The following IL6ST variants were observed in gnomAD, a reference collection of about 807,000 sequenced individuals.
IL6ST encodes interleukin 6 cytokine family signal transducer.
IL6ST carries 24 observed loss-of-function variants against 91.3 expected under a neutral mutation model. The ratio of observed to expected loss-of-function variants is 0.26; its 90% CI spans 0.19 to 0.37. The LOEUF (loss-of-function observed/expected upper bound fraction) is 0.37. Ranked by LOEUF, IL6ST falls within the 10% of genes least tolerant of loss-of-function variation. The pLI, the probability that IL6ST is intolerant of heterozygous loss-of-function variation, is 1.00. For missense variants in IL6ST, 914 were observed against 1,078.5 expected (o/e 0.85, Z 2.14); for synonymous variants, 351 against 373.6 (o/e 0.94, Z 0.70).
intron 3 of IL6ST, among the ~76,000 whole-genome samples, chr5:55,975,254 C>T (rs945180153): frequency 1.3e-5 from 2 of 152,030 alleles, no homozygotes; most frequent in South Asian, 2.1e-4. Context: ...GGTACTGCCT[C>T]GAGATGGTGG....
At chr5:55,993,580 A>T (rs1754455275) in intron 1 of IL6ST, among the ~76,000 whole-genome samples, 1 of 152,210 alleles carries the variant, frequency 6.6e-6, no homozygotes. Flanking sequence ...TATTGTCAAT[A>T]CATACTTAAA....
intron 3 of IL6ST, among the ~76,000 whole-genome samples, chr5:55,971,083 G>C (rs1168406935): frequency 6.6e-6 from 1 of 152,186 alleles, no homozygotes; most frequent in African/African-American, 2.4e-5. Flanking sequence ...ATCTACCTGA[G>C]ATATCCCATA....
In IL6ST at chr5:55,937,306, C is replaced by A. The variant is rs1242707896; in HGVS notation, c.*3776G>T. On this transcript the variant is annotated 3_prime_UTR_variant, in exon 17 of 17. Coordinates refer to ENST00000381298, the MANE Select transcript of IL6ST (RefSeq NM_002184.4). ...GAAAAAGCCCTTAAAAATTTAGGAA[C>A]AAATGAGCAACAGAAGAGCTCACCC... 2 of 213,680 alleles carry A rather than the reference C, an allele frequency of 9.4e-6. No individual in the cohort carries two copies. The highest frequency in any genetic ancestry group is 9.5e-6 in the Non-Finnish European group (1 of 105,784). The allele number at this position is 213,680 out of a possible 1,614,324, so 13.2% of individuals were successfully genotyped here.
intron 3 of IL6ST, 125 bp downstream of exon 3, chr5:55,976,090 C>A: frequency 7.0e-6 from 3 of 430,326 alleles, no homozygotes; most frequent in Non-Finnish European, 1.2e-5. Flanking sequence ...AGATATTATT[C>A]TCTCGATTAT....
intron 8 of IL6ST, chr5:55,959,771 G>A: frequency 2.2e-6 from 1 of 463,080 alleles, no homozygotes; most frequent in South Asian, 2.0e-5. Context: ...TAATGATTCA[G>A]GATATGATTC....
At chr5:55,994,250 G>A (rs1754510557) in intron 1 of IL6ST, 1 of 151,678 alleles carries the variant, frequency 6.6e-6, no homozygotes, top group Non-Finnish European at 1.5e-5. Flanking sequence ...AGTGAGATGT[G>A]GAATTCGTTA....
intron 11 of IL6ST, among the ~76,000 whole-genome samples, chr5:55,953,476 G>A (rs1049891192): frequency 3.2e-4 from 49 of 152,246 alleles, no homozygotes; most frequent in African/African-American, 1.1e-3. Flanking sequence ...TGCAACCTCC[G>A]CCTCCCGGGT....
chr5:55,973,952 ATGAAATTAGCAACAG>A lies in IL6ST; in HGVS notation c.64+2248_64+2262del, dbSNP rs1438762406. ...AGAACACCAGGCTAAAACTGATAAA[ATGAAATTAGCAACAG>A]AGGAAATATATCCTATTTAGGTAAT... is the stretch of plus-strand genomic sequence containing the variant. On this transcript the variant is annotated intron_variant, in intron 3 of 16. Coordinates refer to ENST00000381298, the MANE Select transcript of IL6ST (RefSeq NM_002184.4). 3.9e-5 allele frequency among the ~76,000 whole-genome samples: 6 copies of A among 152,340 alleles called. No individual in the cohort carries two copies. The East Asian group carries it at 9.6e-4, about 24-fold the overall frequency.
chr5:55,969,941 T>TC (rs1752867422), intron 3 of IL6ST, 86 bp from the exon 4 acceptor site: 1 of 797,152 alleles, frequency 1.3e-6, no homozygotes, highest in Non-Finnish European at 2.0e-6. Context: ...CAATGTAGAG[T>TC]CCCTCAACCG....
At chr5:55,983,275 C>G (rs897148750) in intron 1 of IL6ST, among the ~76,000 whole-genome samples, 1 of 152,116 alleles carries the variant, frequency 6.6e-6, no homozygotes, top group East Asian at 1.9e-4. Flanking sequence ...CATGAGCCAC[C>G]GCGCCCAGCC....
chr5:55,944,572 G>T, intron 15 of IL6ST: 1 of 533,770 alleles, frequency 1.9e-6, no homozygotes, highest in Non-Finnish European at 3.4e-6. Flanking sequence ...AAATAAACCA[G>T]GTTCACGGAT....
chr5:55,966,983 G>T (rs55889171), intron 5 of IL6ST, among the ~76,000 whole-genome samples: 1 of 151,080 alleles, frequency 6.6e-6, no homozygotes. Context: ...CAAATCTGAT[G>T]AAATCTGTAG....
At position 55,954,855 on chromosome 5, in the gene IL6ST, C is replaced by G. The variant is rs1561168904; in HGVS notation, c.1405G>C (p.Asp469His). The change falls in exon 11 of 17, where the codon GAC becomes CAC. Residue 469 changes from aspartate (D) to histidine (H), a missense_variant. Coordinates refer to ENST00000381298, the MANE Select transcript of IL6ST (RefSeq NM_002184.4). ...VLSDKAPCIT[D>H]WQQEDGTVHR... Reference sequence around the variant, plus strand: ...ACGGTACCATCTTCTTGTTGCCAGTCTGTGATACAGGGTGCTTTATCTGAT... The same window carrying G: ...ACGGTACCATCTTCTTGTTGCCAGTGTGTGATACAGGGTGCTTTATCTGAT... 6.2e-7 allele frequency: 1 copy of G among 1,613,144 alleles called. No individual in the cohort carries two copies. Among genetic ancestry groups the G allele is most frequent in the East Asian group, 2.2e-5 (1 of 44,852 alleles).
chr5:55,947,614 A>G (rs746672197), intron 14 of IL6ST, 25 bp from the exon 15 acceptor site: 2 of 1,321,530 alleles, frequency 1.5e-6, no homozygotes, highest in Non-Finnish European at 2.1e-6. Context: ...AAAAAAAAAA[A>G]AAAGAGGTGT....
At position 55,972,945 on chromosome 5, in the gene IL6ST, C is replaced by G. The variant is rs576474207; in HGVS notation, c.65-3090G>C. Among the ~76,000 whole-genome samples the G allele has an allele frequency of 1.4e-3, 208 of 150,486 alleles. No homozygotes were observed. In the Middle Eastern group the frequency reaches 0.017, roughly 13 times the overall value. ...GCTTGAACCTGGGGGGCAGAGGTTG[C>G]AGTGAGCTGAGATTGTGCCACTGCA... On this transcript the variant is annotated intron_variant, in intron 3 of 16. Coordinates refer to ENST00000381298, the MANE Select transcript of IL6ST (RefSeq NM_002184.4).
At chr5:55,977,661 A>C (rs999557221) in intron 2 of IL6ST, among the ~76,000 whole-genome samples, 14 of 152,140 alleles carry the variant, frequency 9.2e-5, no homozygotes, top group Admixed American at 3.9e-4. Flanking sequence ...CCCCATCTCT[A>C]TTAAAAATAC....
At chr5:55,944,879 C>T (rs111232966) in intron 15 of IL6ST, 28,259 of 569,682 alleles carry the variant, frequency 0.05, 903 homozygotes, top group Non-Finnish European at 0.066. Flanking sequence ...CTCTGATCGC[C>T]GATCACCTCT....
intron 3 of IL6ST, among the ~76,000 whole-genome samples, chr5:55,974,416 C>T: frequency 6.6e-6 from 1 of 152,086 alleles, no homozygotes; most frequent in East Asian, 1.9e-4. Context: ...ACCTTTGCCT[C>T]CCGGGTTCAA....
intron 15 of IL6ST, among the ~76,000 whole-genome samples, chr5:55,946,289 A>G (rs968371781): frequency 5.9e-5 from 9 of 152,314 alleles, no homozygotes; most frequent in South Asian, 2.1e-4. Context: ...CCACTCTGAA[A>G]AAGTTTGGCA....
Sources: gnomAD v4.1 joint callset for allele counts (sites outside exome capture counted in the v4.1 genomes callset) on GRCh38, gnomAD v4.1.1 for gene constraint, MANE v1.5 for transcripts, NCBI Gene and HGNC (gene_info 2026-07-23, HGNC 2026-07-21) for gene names.